PRKAG1: variants seen among roughly 807,000 people sequenced by gnomAD.
PRKAG1 encodes the protein protein kinase AMP-activated non-catalytic subunit gamma 1.
A neutral mutation model predicts 48.2 loss-of-function variants in PRKAG1; 27 were observed. The ratio of observed to expected loss-of-function variants is 0.56; its 90% CI spans 0.41 to 0.77. The LOEUF is 0.77. PRKAG1 is among the 30% of genes least tolerant of loss of function. The pLI, the probability that PRKAG1 is intolerant of heterozygous loss-of-function variation, is 0.00. For missense variants in PRKAG1, 287 were observed against 398.3 expected (o/e 0.72, Z 2.38); for synonymous variants, 130 against 147.7 (o/e 0.88, Z 0.87).
chr12:49,003,514 C>G (rs778447678), intron 10 of PRKAG1, 44 bp downstream of exon 10: 11 of 1,595,326 alleles, frequency 6.9e-6, no homozygotes, highest in Non-Finnish European at 9.4e-6. Context: ...CAGTGCCCCC[C>G]CCCCACCACT....
At chr12:49,012,379 T>C (rs1049960663) in intron 2 of PRKAG1, among the ~76,000 whole-genome samples, 3 of 131,638 alleles carry the variant, frequency 2.3e-5, no homozygotes, top group African/African-American at 1.1e-4. Flanking sequence ...TTTTTCTTTC[T>C]TTTTTTTTTT....
At chr12:49,011,089 C>T (rs529480570) in intron 2 of PRKAG1, among the ~76,000 whole-genome samples, 1 of 151,920 alleles carries the variant, frequency 6.6e-6, no homozygotes, top group African/African-American at 2.4e-5. Flanking sequence ...GTGATCCACC[C>T]GCCTCAGCCT....
In PRKAG1 at chr12:49,004,494, G is replaced by A; in HGVS notation, c.537+13C>T. ...AAAAAAGAGAAAAAAGAACTGGGCT[G>A]AGGAGCACTTACAAACAATTTGAGG... On this transcript the variant is annotated intron_variant, in intron 8 of 11. Coordinates refer to ENST00000548065, the MANE Select transcript of PRKAG1 (RefSeq NM_002733.5). 1 of 1,613,438 alleles carries A rather than the reference G, an allele frequency of 6.2e-7. No individual in the cohort carries two copies. The highest frequency in any genetic ancestry group is 1.6e-4 in the Middle Eastern group (1 of 6,062).
chr12:49,005,802 G>A lies in PRKAG1; in HGVS notation c.109C>T (p.Arg37Cys), dbSNP rs754101147. The change falls in exon 3 of 12, where the codon CGC becomes TGC. Residue 37 changes from arginine (R) to cysteine (C), a missense_variant. Physicochemically the swap from Arg to Cys is radical, Grantham distance 180. Transcript: ENST00000548065. The surrounding 1 kb of genome is among the most constrained non-coding windows in gnomAD (Gnocchi z 4.1). ...SVYTSFMKSH[R>C]CYDLIPTSSK... ...CTTGTGGGAATCAGGTCATAGCAGC[G>A]ATGAGACTTCATGAAGGAAGTATAC... 20 of 1,613,830 alleles carry A rather than the reference G, an allele frequency of 1.2e-5. No homozygotes were observed. Among genetic ancestry groups the A allele is most frequent in the East Asian group, 4.5e-5 (2 of 44,894 alleles).
Position 49,002,868 on chromosome 12 carries a change from C to G in PRKAG1, c.*31G>C, listed in dbSNP as rs1265613240. 1 of 1,580,346 alleles carries G rather than the reference C, an allele frequency of 6.3e-7. No homozygotes were observed. The highest frequency in any genetic ancestry group is 1.1e-5 in the South Asian group (1 of 90,180). ...CCAGCAGGCAGTGAGTTGGGCATAT[C>G]CCCTGGTGCTGCATGACCCCTTCCC... On this transcript the variant is annotated 3_prime_UTR_variant, in exon 12 of 12. Coordinates refer to ENST00000548065, the MANE Select transcript of PRKAG1 (RefSeq NM_002733.5).
chr12:49,007,047 G>A (rs1941567237), intron 2 of PRKAG1, among the ~76,000 whole-genome samples: 1 of 152,092 alleles, frequency 6.6e-6, no homozygotes, highest in African/African-American at 2.4e-5. Context: ...GACTTTGGGA[G>A]GCCAAGGTGG....
At chr12:49,010,062 T>G (rs1383378657) in intron 2 of PRKAG1, among the ~76,000 whole-genome samples, 4 of 152,194 alleles carry the variant, frequency 2.6e-5, no homozygotes, top group African/African-American at 9.6e-5. Context: ...TACATGAGGT[T>G]GGGAGAGGCA....
intron 2 of PRKAG1, among the ~76,000 whole-genome samples, chr12:49,010,258 TAA>T (rs747055532): frequency 2.6e-5 from 4 of 152,172 alleles, no homozygotes; most frequent in Non-Finnish European, 5.9e-5. Flanking sequence ...GTGGAGGCTT[TAA>T]AGCTGAGTGG....
At chr12:49,006,861 C>T (rs1237191772) in intron 2 of PRKAG1, among the ~76,000 whole-genome samples, 2 of 151,816 alleles carry the variant, frequency 1.3e-5, no homozygotes, top group Non-Finnish European at 2.9e-5. Context: ...CCCAGCTACT[C>T]GGGAGGCTGA....
chr12:49,015,719 C>G (rs758133998), intron 1 of PRKAG1, among the ~76,000 whole-genome samples: 1 of 152,096 alleles, frequency 6.6e-6, no homozygotes, highest in Non-Finnish European at 1.5e-5. Context: ...ACTACAGATG[C>G]CTGCCACCAC....
chr12:49,004,301 T>A (rs1422384441), intron 8 of PRKAG1: 6 of 612,576 alleles, frequency 9.8e-6, no homozygotes, highest in South Asian at 2.2e-5. Context: ...CAAAATAAAT[T>A]AATAAATAAA....
chr12:49,004,354 A>C, intron 8 of PRKAG1, 153 bp downstream of exon 8: 1 of 941,054 alleles, frequency 1.1e-6, no homozygotes, highest in Non-Finnish European at 1.6e-6. Flanking sequence ...CTGTAATCCT[A>C]GCACTTTGGG....
In PRKAG1 at chr12:49,007,424, TCAAA is replaced by T. The variant is rs140174866; in HGVS notation, c.59-1576_59-1573del. Reference sequence around the variant, plus strand: ...ACCATTAATAAGTGGCAAGAAAGACTCAAACAAACCCAGATCTGTTTCCAAACTT... The same window carrying T: ...ACCATTAATAAGTGGCAAGAAAGACTCAAACCCAGATCTGTTTCCAAACTT... On this transcript the variant is annotated intron_variant, in intron 2 of 11. Transcript: ENST00000548065. Among the ~76,000 whole-genome samples, 1,057 of 152,296 alleles carry T rather than the reference TCAAA, an allele frequency of 6.9e-3. 5 individuals are homozygous for T. The highest frequency in any genetic ancestry group is 0.017 in the Middle Eastern group (5 of 294).
rs1777201124 is a variant in PRKAG1 at position 49,003,905 on chromosome 12, C to T, written c.555G>A (p.Lys185=). The change falls in exon 9 of 12, where the codon AAG becomes AAA. Residue 185 remains lysine (K), a synonymous_variant. Transcript: ENST00000548065. The part of the protein sequence containing the change: ...FLKLFITEFP[K]PEFMSKSLEE... The stretch of plus-strand genomic sequence containing the variant: ...CCAGAGACTTGGACATGAACTCTGG[C>T]TTGGGGAACTCAGTGATCTGAGGAA... 6.2e-7 allele frequency: 1 copy of T among 1,604,262 alleles called. No homozygotes were observed. Among genetic ancestry groups the T allele is most frequent in the South Asian group, 1.1e-5 (1 of 89,560 alleles).
chr12:49,006,722 A>C (rs10875908), intron 2 of PRKAG1, among the ~76,000 whole-genome samples: 61,903 of 151,446 alleles, frequency 0.41, 12,815 homozygotes, highest in African/African-American at 0.48. Context: ...GTAATCCCAG[A>C]ACTTTGGGAG....
intron 1 of PRKAG1, among the ~76,000 whole-genome samples, chr12:49,014,037 C>G (rs1291927842): frequency 2.6e-5 from 4 of 152,058 alleles, no homozygotes; most frequent in African/African-American, 7.2e-5. Context: ...GCGTGCACCA[C>G]CACACCCACC....
rs3832821 is a variant in PRKAG1 at position 49,004,813 on chromosome 12, C to CTGTGTGTGTGTG, written c.410+139_410+150dup. The stretch of plus-strand genomic sequence containing the variant: ...AGTGAGAATGAGAGAGAGAGAGAGA[C>CTGTGTGTGTGTG]TGTGTGTGTGTGTGTGTGTGTGTGT... On this transcript the variant is annotated intron_variant, in intron 7 of 11. Transcript: ENST00000548065. The CTGTGTGTGTGTG allele has an allele frequency of 2.5e-3, 1,807 of 713,990 alleles. 5 individuals carry two copies. The highest frequency in any genetic ancestry group is 0.01 in the East Asian group (335 of 32,048). The allele number at this position is 713,990 out of a possible 1,614,324, so 44.2% of individuals were successfully genotyped here.
chr12:49,004,747 G>A, intron 7 of PRKAG1, 114 bp from the exon 8 acceptor site: 1 of 1,496,384 alleles, frequency 6.7e-7, no homozygotes. Flanking sequence ...AAGGGGGGCA[G>A]TGTACAGGCC....
chr12:49,004,018 G>A (rs1160156449), intron 8 of PRKAG1, 96 bp from the exon 9 acceptor site: 21 of 1,461,030 alleles, frequency 1.4e-5, no homozygotes, highest in African/African-American at 4.3e-5. Context: ...GGCTGGGTGC[G>A]CCGGCTTATG....
Sources: allele counts gnomAD v4.1 joint callset (sites outside exome capture counted in the v4.1 genomes callset), GRCh38; gene constraint gnomAD v4.1.1; non-coding constraint Gnocchi (gnomAD v3.1); transcripts MANE v1.5; gene names NCBI Gene and HGNC (gene_info 2026-07-23, HGNC 2026-07-21).